Variants in GREB1L observed in about 807,000 individuals in gnomAD.
The protein encoded by GREB1L is GREB1-like protein.
GREB1L carries 17 observed loss-of-function variants against 200.8 expected under a neutral mutation model. The observed-to-expected ratio is 0.08, with a 90% CI of 0.06 to 0.13. The LOEUF is 0.13. Ranked by LOEUF, GREB1L falls within the 10% of genes least tolerant of loss-of-function variation. The pLI is 1.00. For synonymous variants in GREB1L, 789 were observed against 893.0 expected (o/e 0.88, Z 2.08); for missense variants, 1,657 against 2,367.7 (o/e 0.70, Z 6.23).
intron 1 of GREB1L, among the ~76,000 whole-genome samples, chr18:21,306,907 A>G (rs1201984848): frequency 3.3e-5 from 5 of 152,232 alleles, no homozygotes; most frequent in Non-Finnish European, 5.9e-5. Context: ...TAGGGCACAG[A>G]CTCACCAAAA....
chr18:21,347,914 G>A (rs1276750327), intron 1 of GREB1L, among the ~76,000 whole-genome samples: 12 of 112,906 alleles, frequency 1.1e-4, no homozygotes, highest in Non-Finnish European at 2.2e-4. Context: ...CTACAAGCAC[G>A]TGCCACCACA....
chr18:21,482,086 T>C (rs2035942796), intron 17 of GREB1L, among the ~76,000 whole-genome samples: 1 of 152,222 alleles, frequency 6.6e-6, no homozygotes. Context: ...GCTTTTCTGA[T>C]AATTTGGGTT....
chr18:21,427,219 T>G lies in GREB1L; in HGVS notation c.833-12302T>G, dbSNP rs1309000599. On this transcript the variant is annotated intron_variant, in intron 7 of 32. Coordinates refer to ENST00000424526, the MANE Select transcript of GREB1L (RefSeq NM_001142966.3). ...TCTTTAGTTTATTTCAACAGTGTTT[T>G]GTGGCCAGATGTGGTGGCTCATACC... Among the ~76,000 whole-genome samples, 8 of 152,138 alleles carry G rather than the reference T, an allele frequency of 5.3e-5. No individual in the cohort carries two copies. In the South Asian group the frequency reaches 1.5e-3, roughly 28 times the overall value.
intron 1 of GREB1L, among the ~76,000 whole-genome samples, chr18:21,314,483 G>A (rs114761392): frequency 0.015 from 2,260 of 152,242 alleles, 58 homozygotes; most frequent in African/African-American, 0.051. Flanking sequence ...CTGTTGAATA[G>A]GAAATGATGG....
chr18:21,513,915 C>T lies in GREB1L; in HGVS notation c.4830C>T (p.Val1610=). The change falls in exon 28 of 33, where the codon GTC becomes GTT. Residue 1610 remains valine (V), a synonymous_variant. Coordinates refer to ENST00000424526, the MANE Select transcript of GREB1L (RefSeq NM_001142966.3). The part of the protein sequence containing the change: ...LEELGIKRQC[V]WPFIVMMDDS... ...AGCTAGGCATTAAACGCCAGTGTGT[C>T]TGGCCTTTCATCGTCATGATGGATG... The T allele has an allele frequency of 6.4e-7, 1 of 1,551,658 alleles. No homozygotes were observed. The highest frequency in any genetic ancestry group is 8.7e-7 in the Non-Finnish European group (1 of 1,146,930).
At chr18:21,464,270 C>A (rs1171359827) in intron 15 of GREB1L, among the ~76,000 whole-genome samples, 1 of 152,152 alleles carries the variant, frequency 6.6e-6, no homozygotes, top group Non-Finnish European at 1.5e-5. Context: ...TCGCTCACGC[C>A]TGTAATCCCA....
intron 29 of GREB1L, among the ~76,000 whole-genome samples, 185 bp from the exon 30 acceptor site, chr18:21,516,428 C>T (rs1293589889): frequency 6.6e-6 from 1 of 152,162 alleles, no homozygotes; most frequent in Non-Finnish European, 1.5e-5. Context: ...CTTTCCCCTT[C>T]CTTGAAAGGC....
Position 21,524,283 on chromosome 18 carries a change from A to C in GREB1L, c.*1462A>C, listed in dbSNP as rs1395842874. On this transcript the variant is annotated 3_prime_UTR_variant, in exon 33 of 33. Coordinates refer to ENST00000424526, the MANE Select transcript of GREB1L (RefSeq NM_001142966.3). ...ATGACAACAAGGAGTTTACAAAGCT[A>C]GTGAAAAAATGGAATGTATTAGACT... 1 of 152,228 alleles carries C rather than the reference A, an allele frequency of 6.6e-6. No homozygotes were observed. Among genetic ancestry groups the C allele is most frequent in the East Asian group, 1.9e-4 (1 of 5,206 alleles). The allele number at this position is 152,228 out of a possible 1,614,324, so 9.4% of individuals were successfully genotyped here.
In GREB1L at chr18:21,495,672, T is replaced by C. The variant is rs1386408623; in HGVS notation, c.3033T>C (p.Ser1011=). Residue 1011 remains serine, a splice_region_variant and synonymous_variant, in exon 20 of 33, where the codon AGT becomes AGC. Transcript: ENST00000424526. ...AACATACGGGTCTCTTTCTGTAGAG[T>C]TGGAGAGGAAATGAACCAGAAGAGT... ...VATHFVARLK[S]WRGNEPEEWI... is the part of the protein sequence containing the mutation. The C allele has an allele frequency of 4.8e-6, 7 of 1,469,718 alleles. No homozygotes were observed. In the Admixed American group the frequency reaches 1.4e-4, roughly 30 times the overall value. 91.0% of individuals were successfully genotyped at this position (1,469,718 alleles called of 1,614,324 possible).
chr18:21,376,812 CAAAAAAAAAA>C (rs534144361), intron 2 of GREB1L, among the ~76,000 whole-genome samples: 4 of 59,680 alleles, frequency 6.7e-5, no homozygotes, highest in Admixed American at 3.8e-4. Flanking sequence ...GAGTCCGTCT[CAAAAAAAAAA>C]AAAAAAAAAA....
At chr18:21,292,369 T>G (rs1184280241) in intron 1 of GREB1L, among the ~76,000 whole-genome samples, 1 of 152,226 alleles carries the variant, frequency 6.6e-6, no homozygotes, top group Non-Finnish European at 1.5e-5. Context: ...TGAGACATAA[T>G]TCACGTACCA....
intron 27 of GREB1L, among the ~76,000 whole-genome samples, chr18:21,511,121 T>C (rs2037222081): frequency 6.6e-6 from 1 of 152,186 alleles, no homozygotes; most frequent in African/African-American, 2.4e-5. Context: ...ACACCTGTAA[T>C]CCCAGCACTC....
chr18:21,314,810 T>C (rs2038842947), intron 1 of GREB1L, among the ~76,000 whole-genome samples: 1 of 152,190 alleles, frequency 6.6e-6, no homozygotes, highest in Non-Finnish European at 1.5e-5. Flanking sequence ...AAATATTTTA[T>C]TTACAAAAAT....
At chr18:21,497,714 G>A (rs2036600510) in intron 21 of GREB1L, among the ~76,000 whole-genome samples, 1 of 150,896 alleles carries the variant, frequency 6.6e-6, no homozygotes, top group South Asian at 2.1e-4. Flanking sequence ...ATGTAACAAA[G>A]TACAGAGAAT....
At chr18:21,282,359 T>C (rs4800184) in intron 1 of GREB1L, among the ~76,000 whole-genome samples, 22,900 of 152,178 alleles carry the variant, frequency 0.15, 3,743 homozygotes, top group African/African-American at 0.4. Flanking sequence ...ATTAACACAT[T>C]GTATTTCTCC....
chr18:21,328,183 C>T (rs1449295072), intron 1 of GREB1L, among the ~76,000 whole-genome samples: 1 of 152,156 alleles, frequency 6.6e-6, no homozygotes, highest in African/African-American at 2.4e-5. Flanking sequence ...CATTGCCCCC[C>T]CCCGTTCCCC....
chr18:21,454,397 A>G lies in GREB1L; in HGVS notation c.2016A>G (p.Gln672=). 6.4e-7 allele frequency: 1 copy of G among 1,551,740 alleles called. No individual in the cohort carries two copies. Among genetic ancestry groups the G allele is most frequent in the Non-Finnish European group, 8.7e-7 (1 of 1,146,912 alleles). Residue 672 remains glutamine, a synonymous_variant, in exon 15 of 33, where the codon CAA becomes CAG. Transcript: ENST00000424526. ...ATAATGAAACCTTCCACATTTATCAACCGCAGCTAACAGTTGCCAGAAAAC... is the reference window on the plus strand; with the variant it reads ...ATAATGAAACCTTCCACATTTATCAGCCGCAGCTAACAGTTGCCAGAAAAC... ...DLDNETFHIY[Q]PQLTVARKLL...
chr18:21,423,646 G>A (rs2032336467), intron 7 of GREB1L, among the ~76,000 whole-genome samples: 1 of 152,164 alleles, frequency 6.6e-6, no homozygotes, highest in African/African-American at 2.4e-5. Flanking sequence ...GATCACTTGA[G>A]CCCAGGAGTT....
intron 28 of GREB1L, among the ~76,000 whole-genome samples, chr18:21,514,328 C>A (rs2037342487): frequency 1.3e-5 from 2 of 152,254 alleles, no homozygotes; most frequent in Middle Eastern, 3.4e-3. Context: ...ACCAGCCTGG[C>A]CAACATGGTG....
Sources: allele counts gnomAD v4.1 joint callset (sites outside exome capture counted in the v4.1 genomes callset), GRCh38; gene constraint gnomAD v4.1.1; transcripts MANE v1.5; gene names NCBI Gene and HGNC (gene_info 2026-07-23, HGNC 2026-07-21).